The following GABRB1 variants were observed in gnomAD, a reference collection of about 807,000 sequenced individuals.
GABRB1 encodes the protein gamma-aminobutyric acid receptor subunit beta-1.
A neutral mutation model predicts 51.6 loss-of-function variants in GABRB1; 17 were observed. The observed-to-expected ratio is 0.33, with a 90% confidence interval of 0.23 to 0.49. GABRB1 has a LOEUF of 0.49. Ranked by LOEUF, GABRB1 falls within the 20% of genes least tolerant of loss-of-function variation. GABRB1 has a pLI of 0.99. For synonymous variants in GABRB1, 247 were observed against 218.9 expected (o/e 1.13, Z -1.14); for missense variants, 410 against 600.6 (o/e 0.68, Z 3.32).
intron 4 of GABRB1, among the ~76,000 whole-genome samples, chr4:47,314,290 G>T (rs1454982664): frequency 6.6e-6 from 1 of 151,930 alleles, no homozygotes; most frequent in Non-Finnish European, 1.5e-5. Context: ...CTTCCTAAAA[G>T]TTGGGTTTTT....
In GABRB1 at chr4:47,031,603, A is replaced by C; in HGVS notation, c.-49A>C. On this transcript the variant is annotated 5_prime_UTR_variant, in exon 1 of 9. Transcript: ENST00000295454. ...ACTGCCCAGCAGCCGACTAAGTTGCATTCCTTGAATCTTCGCAGAAAAGAC... is the reference window on the plus strand; with the variant it reads ...ACTGCCCAGCAGCCGACTAAGTTGCCTTCCTTGAATCTTCGCAGAAAAGAC... 1 of 1,506,156 alleles carries C rather than the reference A, an allele frequency of 6.6e-7. No homozygotes were observed. The highest frequency in any genetic ancestry group is 9.2e-7 in the Non-Finnish European group (1 of 1,081,950). 93.3% of individuals were successfully genotyped at this position (1,506,156 alleles called of 1,614,324 possible). A position where few individuals can be genotyped will look rare whatever the true frequency, so the allele number is the denominator to read the frequency against.
chr4:47,371,085 T>TCCCC (rs59604624), intron 5 of GABRB1, among the ~76,000 whole-genome samples: 159 of 129,616 alleles, frequency 1.2e-3, no homozygotes, highest in Middle Eastern at 3.4e-3. Flanking sequence ...ATGCTCTCCC[T>TCCCC]CCCCCACCCC....
At chr4:47,102,328 C>T (rs1170566580) in intron 3 of GABRB1, among the ~76,000 whole-genome samples, 1 of 151,974 alleles carries the variant, frequency 6.6e-6, no homozygotes, top group African/African-American at 2.4e-5. Context: ...CCCACAAGTA[C>T]ACTCTTTCAA....
intron 1 of GABRB1, among the ~76,000 whole-genome samples, chr4:46,999,083 AT>A (rs1724101179): frequency 1.3e-5 from 2 of 152,090 alleles, no homozygotes; most frequent in Non-Finnish European, 2.9e-5. Flanking sequence ...AAACACATTT[AT>A]TTTCAGCACC....
chr4:47,178,256 T>C (rs552480130), intron 4 of GABRB1, among the ~76,000 whole-genome samples: 3 of 152,234 alleles, frequency 2.0e-5, no homozygotes, highest in Non-Finnish European at 4.4e-5. Context: ...ACTATGTCTA[T>C]TCTTAGAAAT....
At chr4:47,075,890 A>G (rs1235731870) in intron 3 of GABRB1, among the ~76,000 whole-genome samples, 2 of 152,178 alleles carry the variant, frequency 1.3e-5, no homozygotes, top group South Asian at 4.1e-4. Context: ...CTGGCTACCT[A>G]GACCCCTTTG....
chr4:47,180,170 T>C (rs1718884462), intron 4 of GABRB1, among the ~76,000 whole-genome samples: 2 of 151,968 alleles, frequency 1.3e-5, no homozygotes, highest in Non-Finnish European at 2.9e-5. Flanking sequence ...AGAAACACCC[T>C]GATACAGAGG....
intron 3 of GABRB1, among the ~76,000 whole-genome samples, chr4:47,156,998 G>A (rs1195435982): frequency 1.3e-5 from 2 of 151,930 alleles, no homozygotes; most frequent in South Asian, 2.1e-4. Flanking sequence ...TTAAAATGTC[G>A]TTTTGGAGTT....
At chr4:47,412,122 G>A (rs926522217) in intron 8 of GABRB1, among the ~76,000 whole-genome samples, 1 of 152,078 alleles carries the variant, frequency 6.6e-6, no homozygotes, top group Non-Finnish European at 1.5e-5. Flanking sequence ...TCCACAATAA[G>A]ACTTCCATGA....
At chr4:47,024,147 G>GAACAAAC (rs1164768258) in intron 1 of GABRB1, among the ~76,000 whole-genome samples, 2 of 151,674 alleles carry the variant, frequency 1.3e-5, no homozygotes, top group Non-Finnish European at 2.9e-5. Flanking sequence ...CTAGTAGTTT[G>GAACAAAC]TTCTTTCCTA....
chr4:47,242,790 A>G (rs1437346255), intron 4 of GABRB1, among the ~76,000 whole-genome samples: 1 of 152,090 alleles, frequency 6.6e-6, no homozygotes, highest in African/African-American at 2.4e-5. Flanking sequence ...ATATTAGCCC[A>G]TTGTCAGATG....
At chr4:47,353,273 A>G (rs990469224) in intron 5 of GABRB1, among the ~76,000 whole-genome samples, 29 of 152,320 alleles carry the variant, frequency 1.9e-4, no homozygotes, top group African/African-American at 6.5e-4. Flanking sequence ...AAACTGCTAC[A>G]AAGTGTAATG....
chr4:47,270,530 C>A (rs1722832952), intron 4 of GABRB1, among the ~76,000 whole-genome samples: 1 of 152,082 alleles, frequency 6.6e-6, no homozygotes, highest in Admixed American at 6.5e-5. Context: ...GGGAGGGAAA[C>A]ATTAAGAAAA....
At chr4:47,204,746 T>A (rs969127201) in intron 4 of GABRB1, among the ~76,000 whole-genome samples, 2 of 152,168 alleles carry the variant, frequency 1.3e-5, no homozygotes, top group Non-Finnish European at 2.9e-5. Context: ...CCAAGTAAGA[T>A]GTGACTTGTT....
At chr4:47,087,703 T>C (rs1025674272) in intron 3 of GABRB1, among the ~76,000 whole-genome samples, 1 of 152,236 alleles carries the variant, frequency 6.6e-6, no homozygotes, top group South Asian at 2.1e-4. Context: ...AGAAGTGTTT[T>C]GGAGAAACAG....
At chr4:47,235,112 G>T (rs1721280354) in intron 4 of GABRB1, among the ~76,000 whole-genome samples, 1 of 152,028 alleles carries the variant, frequency 6.6e-6, no homozygotes. Flanking sequence ...ATCATATCCA[G>T]CTTTTTCCAT....
intron 1 of GABRB1, among the ~76,000 whole-genome samples, chr4:47,018,605 C>T (rs1306975189): frequency 6.6e-6 from 1 of 152,130 alleles, no homozygotes; most frequent in Non-Finnish European, 1.5e-5. Flanking sequence ...GGCCAGAAAC[C>T]TTACTGATAA....
chr4:47,070,082 C>A (rs970734927), intron 3 of GABRB1, among the ~76,000 whole-genome samples: 2 of 151,808 alleles, frequency 1.3e-5, no homozygotes, highest in Non-Finnish European at 2.9e-5. Context: ...GTCACCCAGG[C>A]TAGAGTGCAG....
rs143927324 is a variant in GABRB1 at position 47,151,162 on chromosome 4, G to A, written c.241-10087G>A. ...TTAAGGTTTCCAAATGGGCCCAATAGAGTCCTTACTGGAAAGGTAACTAAA... is the reference window on the plus strand; with the variant it reads ...TTAAGGTTTCCAAATGGGCCCAATAAAGTCCTTACTGGAAAGGTAACTAAA... On this transcript the variant is annotated intron_variant, in intron 3 of 8. Transcript: ENST00000295454. Among the ~76,000 whole-genome samples the A allele has an allele frequency of 5.2e-3, 794 of 152,058 alleles. 7 individuals are homozygous for A. The highest frequency in any genetic ancestry group is 0.019 in the African/African-American group (770 of 41,534).
Sources: gnomAD v4.1 joint callset for allele counts (sites outside exome capture counted in the v4.1 genomes callset) on GRCh38, gnomAD v4.1.1 for gene constraint, MANE v1.5 for transcripts, NCBI Gene and HGNC (gene_info 2026-07-23, HGNC 2026-07-21) for gene names.